Variants in EPYC observed in about 807,000 individuals in gnomAD.
The protein encoded by EPYC is dermatan sulfate proteoglycan 3.
A neutral mutation model predicts 30.1 loss-of-function variants in EPYC; 28 were observed. That is an observed-to-expected ratio of 0.93 (90% CI 0.69 to 1.28). The LOEUF (loss-of-function observed/expected upper bound fraction) is 1.28. Ranked by LOEUF, EPYC falls within the 50% of genes most tolerant of loss-of-function variation. The pLI, the probability that EPYC is intolerant of heterozygous loss-of-function variation, is 0.00. For synonymous variants in EPYC, 144 were observed against 141.4 expected (o/e 1.02, Z -0.13); for missense variants, 382 against 383.5 (o/e 1.00, Z 0.03).
intron 2 of EPYC, among the ~76,000 whole-genome samples, chr12:90,999,424 G>T (rs905704964): frequency 6.6e-5 from 10 of 152,042 alleles, no homozygotes; most frequent in Admixed American, 5.2e-4. Flanking sequence ...TTAGAACAAA[G>T]GTTTTCTATT....
At chr12:90,992,469 A>G (rs1877608146) in intron 2 of EPYC, among the ~76,000 whole-genome samples, 2 of 152,226 alleles carry the variant, frequency 1.3e-5, no homozygotes, top group South Asian at 4.1e-4. Context: ...TCCAGGCTGG[A>G]GAACCCTCTG....
chr12:90,987,776 T>A (rs1055474177), intron 2 of EPYC, among the ~76,000 whole-genome samples: 1 of 152,140 alleles, frequency 6.6e-6, no homozygotes, highest in South Asian at 2.1e-4. Flanking sequence ...ACTATCTATG[T>A]GGTATTCTAT....
Position 90,978,526 on chromosome 12 carries a change from A to G in EPYC, c.166-264T>C, listed in dbSNP as rs1442210600. ...GTCTTCTTGTTCTTTAATATCGTATATGTTTGTTCATTTCATAGGTTTAAA... is the reference window on the plus strand; with the variant it reads ...GTCTTCTTGTTCTTTAATATCGTATGTGTTTGTTCATTTCATAGGTTTAAA... On this transcript the variant is annotated intron_variant, in intron 2 of 6. Transcript: ENST00000261172. Among the ~76,000 whole-genome samples the G allele has an allele frequency of 2.7e-5, 4 of 150,282 alleles. No homozygotes were observed. In the South Asian group the frequency reaches 6.3e-4, roughly 24 times the overall value.
At chr12:91,000,443 A>G (rs1877796377) in intron 2 of EPYC, among the ~76,000 whole-genome samples, 2 of 152,148 alleles carry the variant, frequency 1.3e-5, no homozygotes. Flanking sequence ...TCTTGATGTC[A>G]TGAAAAATGT....
intron 2 of EPYC, among the ~76,000 whole-genome samples, chr12:91,001,479 A>G (rs1877821484): frequency 1.3e-5 from 2 of 152,096 alleles, no homozygotes; most frequent in Non-Finnish European, 1.5e-5. Context: ...CTGCATTTCA[A>G]GGTCTGTTTG....
At chr12:90,969,894 AAG>A (rs750773106) in intron 6 of EPYC, 148 bp downstream of exon 6, 4 of 642,906 alleles carry the variant, frequency 6.2e-6, no homozygotes, top group Middle Eastern at 2.7e-4. Flanking sequence ...TACTCAGATA[AAG>A]AGAGAGAATA....
At chr12:90,985,348 A>G (rs1050966115) in intron 2 of EPYC, among the ~76,000 whole-genome samples, 1 of 152,172 alleles carries the variant, frequency 6.6e-6, no homozygotes. Flanking sequence ...CAACTCCCTC[A>G]AAAGTCAACT....
chr12:91,000,663 C>T (rs1039199055), intron 2 of EPYC, among the ~76,000 whole-genome samples: 2 of 152,000 alleles, frequency 1.3e-5, no homozygotes, highest in South Asian at 4.1e-4. Flanking sequence ...AAAACCTACT[C>T]AAAATAGAAG....
intron 3 of EPYC, among the ~76,000 whole-genome samples, chr12:90,973,537 T>C (rs1314348189): frequency 6.6e-6 from 1 of 152,144 alleles, no homozygotes; most frequent in Admixed American, 6.6e-5. Context: ...ATAAATGTCA[T>C]GAAGTGTCAT....
chr12:90,990,327 T>C (rs533558130), intron 2 of EPYC, among the ~76,000 whole-genome samples: 4 of 150,340 alleles, frequency 2.7e-5, no homozygotes, highest in Middle Eastern at 3.4e-3. Context: ...ATGACAATGA[T>C]AATGATGATG....
rs745683733 is a variant in EPYC at position 90,970,014 on chromosome 12, C to G, written c.798+30G>C. On this transcript the variant is annotated intron_variant, in intron 6 of 6. Coordinates refer to ENST00000261172, the MANE Select transcript of EPYC (RefSeq NM_004950.5). ...TTTTGGCTTTGCTTTCTCTGAAGCC[C>G]TTGGGCGCACCTTACTGGTAGACTC... 4 of 1,553,548 alleles carry G rather than the reference C, an allele frequency of 2.6e-6. No individual in the cohort carries two copies. The South Asian group carries it at 3.3e-5, about 13-fold the overall frequency.
At chr12:90,993,172 G>T (rs1182526488) in intron 2 of EPYC, among the ~76,000 whole-genome samples, 1 of 152,100 alleles carries the variant, frequency 6.6e-6, no homozygotes, top group Non-Finnish European at 1.5e-5. Flanking sequence ...GCCCCAGATG[G>T]TTCCCCTTCC....
At chr12:90,995,890 C>T (rs369421888) in intron 2 of EPYC, among the ~76,000 whole-genome samples, 15 of 151,938 alleles carry the variant, frequency 9.9e-5, no homozygotes, top group African/African-American at 2.9e-4. Context: ...TCCTCCCTTC[C>T]TGTAGATCAT....
intron 2 of EPYC, among the ~76,000 whole-genome samples, chr12:90,990,124 C>A (rs1405633792): frequency 6.6e-6 from 1 of 151,954 alleles, no homozygotes; most frequent in South Asian, 2.1e-4. Context: ...GGACTGAAAA[C>A]GAAGATATTT....
At chr12:90,984,943 T>C (rs1461500497) in intron 2 of EPYC, among the ~76,000 whole-genome samples, 1 of 152,208 alleles carries the variant, frequency 6.6e-6, no homozygotes, top group Non-Finnish European at 1.5e-5. Context: ...CAGATGATCC[T>C]GATAGGTATA....
At chr12:90,989,396 G>T (rs1877529263) in intron 2 of EPYC, among the ~76,000 whole-genome samples, 1 of 151,998 alleles carries the variant, frequency 6.6e-6, no homozygotes, top group Admixed American at 6.6e-5. Context: ...GTTATGTAAT[G>T]AATGAATATT....
rs1877079745 is a variant in EPYC, at chr12:90,972,636, T to C, written c.499+186A>G. Reference sequence around the variant, plus strand: ...CACCTATATGGTTTTGAAATGACCATTGCTTATTTGTTGTTTTTCTTATAA... The same window carrying C: ...CACCTATATGGTTTTGAAATGACCACTGCTTATTTGTTGTTTTTCTTATAA... On this transcript the variant is annotated intron_variant, in intron 4 of 6. Coordinates refer to ENST00000261172, the MANE Select transcript of EPYC (RefSeq NM_004950.5). The C allele has an allele frequency of 3.7e-6, 2 of 534,386 alleles. 1 individual carries two copies. The highest frequency in any genetic ancestry group is 5.8e-5 in the South Asian group (2 of 34,458). 33.1% of individuals were successfully genotyped at this position (534,386 alleles called of 1,614,324 possible).
chr12:90,977,576 T>G (rs2120823179), intron 3 of EPYC, among the ~76,000 whole-genome samples: 1 of 152,246 alleles, frequency 6.6e-6, no homozygotes, highest in African/African-American at 2.4e-5. Flanking sequence ...GAATTATGGT[T>G]TTCTCCATGA....
rs73371235 is a variant in EPYC, at chr12:90,981,615, T to C, written c.166-3353A>G. Among the ~76,000 whole-genome samples, 444 of 152,236 alleles carry C rather than the reference T, an allele frequency of 2.9e-3. 3 individuals carry two copies. Among genetic ancestry groups the C allele is most frequent in the African/African-American group, 1.0e-2 (414 of 41,556 alleles). On this transcript the variant is annotated intron_variant, in intron 2 of 6. Transcript: ENST00000261172. ...GCAGAAAGTGCATTTAAATGATCTA[T>C]ATAATTATATTGCTGCCACTAAGCC...
Sources: gnomAD v4.1 joint callset for allele counts (sites outside exome capture counted in the v4.1 genomes callset) on GRCh38, gnomAD v4.1.1 for gene constraint, MANE v1.5 for transcripts, NCBI Gene and HGNC (gene_info 2026-07-23, HGNC 2026-07-21) for gene names.